MRPL1: variants seen among roughly 807,000 people sequenced by gnomAD.
MRPL1 encodes the protein large ribosomal subunit protein uL1m.
Under a neutral mutation model 38.0 loss-of-function variants are expected in MRPL1, and 28 were observed. The observed-to-expected ratio is 0.74, with a 90% confidence interval of 0.55 to 1.01. The LOEUF is 1.01. Ranked by LOEUF, MRPL1 falls within the 50% of genes least tolerant of loss-of-function variation. MRPL1 has a pLI of 0.00. For synonymous variants in MRPL1, 123 were observed against 126.7 expected, an observed-to-expected ratio of 0.97 and a Z score of 0.20; for missense variants, 358 against 389.8, an observed-to-expected ratio of 0.92 and a Z score of 0.69.
intron 3 of MRPL1, 87 bp downstream of exon 3, chr4:77,883,587 AT>A (rs1560461644): frequency 4.5e-6 from 6 of 1,324,460 alleles, no homozygotes; most frequent in Non-Finnish European, 6.1e-6. Flanking sequence ...TGTTATTATT[AT>A]TTTTGAGACA....
intron 2 of MRPL1, among the ~76,000 whole-genome samples, chr4:77,874,532 G>T (rs1252182105): frequency 1.3e-5 from 2 of 152,070 alleles, no homozygotes; most frequent in African/African-American, 4.8e-5. Flanking sequence ...AAATAGAATT[G>T]TTGGGTCAAA....
At chr4:77,937,464 C>G (rs1737014133) in intron 7 of MRPL1, among the ~76,000 whole-genome samples, 1 of 152,190 alleles carries the variant, frequency 6.6e-6, no homozygotes, top group African/African-American at 2.4e-5. Flanking sequence ...GGGTAGATGC[C>G]TGAAGAGGAG....
chr4:77,949,269 C>T (rs1385096838), intron 7 of MRPL1, among the ~76,000 whole-genome samples: 1 of 152,186 alleles, frequency 6.6e-6, no homozygotes, highest in African/African-American at 2.4e-5. Context: ...TATTTACTTA[C>T]TGCTAAATGA....
chr4:77,863,812 A>T (rs549459698), intron 1 of MRPL1, among the ~76,000 whole-genome samples: 130 of 152,052 alleles, frequency 8.5e-4, no homozygotes, highest in African/African-American at 3.0e-3. Flanking sequence ...AAGTCCAGTG[A>T]TATATATTGT....
In MRPL1 at chr4:77,863,461, A is replaced by ATTTTTTTTTTTTTTTTTTTTTTTTTT. The variant is rs969402527; in HGVS notation, c.31+603_31+604insTTTTTTTTTTTTTTTTTTTTTTTTTT. Among the ~76,000 whole-genome samples the ATTTTTTTTTTTTTTTTTTTTTTTTTT allele has an allele frequency of 9.4e-4, 106 of 112,644 alleles. 6 individuals are homozygous for ATTTTTTTTTTTTTTTTTTTTTTTTTT. The highest frequency in any genetic ancestry group is 2.1e-3 in the African/African-American group (55 of 26,130). The allele number at this position is 112,644 out of a possible 152,430, so 73.9% of individuals were successfully genotyped here. On this transcript the variant is annotated intron_variant, in intron 1 of 8. Transcript: ENST00000315567. Reference sequence around the variant, plus strand: ...GATGACAGCCCTTTCTTGTGCAACAATTTTTTTTTTTTTTTTTTTTTGAGA... The same window carrying ATTTTTTTTTTTTTTTTTTTTTTTTTT: ...GATGACAGCCCTTTCTTGTGCAACAATTTTTTTTTTTTTTTTTTTTTTTTTTTTTTTTTTTTTTTTTTTTTTTGAGA...
intron 7 of MRPL1, among the ~76,000 whole-genome samples, chr4:77,925,673 T>C (rs549286496): frequency 1.3e-5 from 2 of 151,978 alleles, no homozygotes; most frequent in East Asian, 3.9e-4. Flanking sequence ...TTTTTTTAAA[T>C]GATGAAAGAG....
chr4:77,913,807 A>T (rs1408881572), intron 7 of MRPL1, among the ~76,000 whole-genome samples: 1 of 152,232 alleles, frequency 6.6e-6, no homozygotes, highest in Non-Finnish European at 1.5e-5. Flanking sequence ...GATACATTCT[A>T]CCATACTGAT....
intron 6 of MRPL1, among the ~76,000 whole-genome samples, chr4:77,895,142 AGTTT>A (rs1269293316): frequency 6.6e-6 from 1 of 152,098 alleles, no homozygotes; most frequent in Non-Finnish European, 1.5e-5. Context: ...AGGACTCAGA[AGTTT>A]TTGAGATGGG....
At chr4:77,942,985 T>G (rs1737171215) in intron 7 of MRPL1, among the ~76,000 whole-genome samples, 1 of 152,170 alleles carries the variant, frequency 6.6e-6, no homozygotes, top group African/African-American at 2.4e-5. Flanking sequence ...GTGAGATTTA[T>G]GTTTTAAGGA....
At chr4:77,890,096 T>A (rs1400192031) in intron 5 of MRPL1, among the ~76,000 whole-genome samples, 2 of 152,034 alleles carry the variant, frequency 1.3e-5, no homozygotes, top group African/African-American at 4.8e-5. Context: ...TTCCAATCAA[T>A]AGAAAAAGAG....
rs1369824659 is a variant in MRPL1, at chr4:77,952,655, G to GGCCGGGCGCGGTGGCTCACGCCTGT, written c.*48_*49insGCCGGGCGCGGTGGCTCACGCCTGT. ...TTTCAGTGGTTTAAGAAGCAATGGA[G>GGCCGGGCGCGGTGGCTCACGCCTGT]AAAATGATAATACAGCATAATTTTT... On this transcript the variant is annotated 3_prime_UTR_variant, in exon 9 of 9. Coordinates refer to ENST00000315567, the MANE Select transcript of MRPL1 (RefSeq NM_020236.4). 1 of 1,199,636 alleles carries GGCCGGGCGCGGTGGCTCACGCCTGT rather than the reference G, an allele frequency of 8.3e-7. No homozygotes were observed. The highest frequency in any genetic ancestry group is 1.2e-6 in the Non-Finnish European group (1 of 816,050). The allele number at this position is 1,199,636 out of a possible 1,614,324, so 74.3% of individuals were successfully genotyped here.
intron 2 of MRPL1, among the ~76,000 whole-genome samples, chr4:77,874,841 G>A (rs1218855708): frequency 1.3e-5 from 2 of 149,222 alleles, no homozygotes; most frequent in African/African-American, 5.0e-5. Context: ...GAGTGCAATG[G>A]TGCAATCTCA....
At chr4:77,864,289 T>A (rs986790782) in intron 1 of MRPL1, among the ~76,000 whole-genome samples, 29 of 152,178 alleles carry the variant, frequency 1.9e-4, no homozygotes, top group African/African-American at 7.0e-4. Context: ...TCTTCCTATT[T>A]CATGTGTCAT....
chr4:77,867,559 T>C (rs1735174046), intron 1 of MRPL1, among the ~76,000 whole-genome samples: 1 of 150,332 alleles, frequency 6.7e-6, no homozygotes. Flanking sequence ...TTTTCTTTTC[T>C]TTTCTTTCAA....
chr4:77,917,397 A>G (rs1030476493), intron 7 of MRPL1, among the ~76,000 whole-genome samples: 5 of 152,200 alleles, frequency 3.3e-5, no homozygotes, highest in African/African-American at 1.2e-4. Flanking sequence ...ACTGAAAAGA[A>G]AGCCTTTTCT....
At chr4:77,941,390 T>C (rs919862161) in intron 7 of MRPL1, among the ~76,000 whole-genome samples, 1 of 152,214 alleles carries the variant, frequency 6.6e-6, no homozygotes, top group Non-Finnish European at 1.5e-5. Flanking sequence ...CATAGAACAA[T>C]TTAGGGAAGA....
In MRPL1 at chr4:77,886,396, G is replaced by A. The variant is rs1029382098; in HGVS notation, c.487-824G>A. ...GTTGCCCAGGCTGGAATGCAATGGC[G>A]TGATCTTGGCTTACCGCAACCTCTG... On this transcript the variant is annotated intron_variant, in intron 4 of 8. Transcript: ENST00000315567. Among the ~76,000 whole-genome samples, 6 of 151,426 alleles carry A rather than the reference G, an allele frequency of 4.0e-5. 1 individual carries two copies. Among genetic ancestry groups the A allele is most frequent in the Middle Eastern group, 3.5e-3 (1 of 288 alleles).
chr4:77,907,688 C>T (rs1452372116), intron 6 of MRPL1, among the ~76,000 whole-genome samples: 2 of 151,956 alleles, frequency 1.3e-5, no homozygotes. Context: ...CCTCAACCTC[C>T]CAAGTAGCTG....
chr4:77,914,191 T>A (rs553746448), intron 7 of MRPL1, among the ~76,000 whole-genome samples: 21 of 152,180 alleles, frequency 1.4e-4, no homozygotes, highest in Non-Finnish European at 2.4e-4. Flanking sequence ...AAGAATATTA[T>A]GCTCAGGGAA....
Sources: gnomAD v4.1 joint callset for allele counts (sites outside exome capture counted in the v4.1 genomes callset) on GRCh38, gnomAD v4.1.1 for gene constraint, MANE v1.5 for transcripts, NCBI Gene and HGNC (gene_info 2026-07-23, HGNC 2026-07-21) for gene names.